Variants in YWHAQ observed in about 807,000 individuals in gnomAD.
The protein encoded by YWHAQ is tyrosine 3-monooxygenase/tryptophan 5-monooxygenase activation protein theta.
Under a neutral mutation model 28.3 loss-of-function variants are expected in YWHAQ, and 6 were observed. The observed-to-expected ratio is 0.21, with a 90% confidence interval of 0.12 to 0.42. YWHAQ has a LOEUF of 0.42. Ranked by LOEUF, YWHAQ falls within the 10% of genes least tolerant of loss-of-function variation. The pLI is 1.00. For synonymous variants in YWHAQ, 143 were observed against 119.1 expected (o/e 1.20, Z -1.31); for missense variants, 201 against 305.6 (o/e 0.66, Z 2.55).
chr2:9,597,985 ATT>A (rs547582835), intron 2 of YWHAQ, among the ~76,000 whole-genome samples: 1,629 of 62,312 alleles, frequency 0.026, 41 homozygotes, highest in African/African-American at 0.079. Context: ...ATGCCGGGCT[ATT>A]TTTTTTTTTT....
At position 9,608,163 on chromosome 2, in the gene YWHAQ, T is replaced by C. The variant is rs192614329; in HGVS notation, c.295-16648A>G. On this transcript the variant is annotated intron_variant, in intron 2 of 5. Transcript: ENST00000238081. ...TCTGGTTCCGGCAACACAGTGAGAC[T>C]GAGCTTACGGAGAATACCTCCCTCT... 9.8e-5 allele frequency among the ~76,000 whole-genome samples: 15 copies of C among 152,322 alleles called. No homozygotes were observed. The East Asian group carries it at 2.9e-3, about 29-fold the overall frequency.
At chr2:9,598,214 T>TAAC (rs1666618565) in intron 2 of YWHAQ, among the ~76,000 whole-genome samples, 3 of 152,208 alleles carry the variant, frequency 2.0e-5, no homozygotes, top group Admixed American at 2.0e-4. Flanking sequence ...TCAGTCAAAC[T>TAAC]CAAGTTGCAA....
chr2:9,604,865 A>C (rs1302871738), intron 2 of YWHAQ, among the ~76,000 whole-genome samples: 1 of 152,222 alleles, frequency 6.6e-6, no homozygotes, highest in Admixed American at 6.5e-5. Flanking sequence ...TAAGCAGATG[A>C]ACTCAATAAA....
In YWHAQ at chr2:9,630,658, C is replaced by G. The variant is rs918828274; in HGVS notation, c.-82-124G>C. 1 of 449,606 alleles carries G rather than the reference C, an allele frequency of 2.2e-6. No homozygotes were observed. Among genetic ancestry groups the G allele is most frequent in the East Asian group, 3.9e-5 (1 of 25,874 alleles). The allele number at this position is 449,606 out of a possible 1,614,324, so 27.9% of individuals were successfully genotyped here. A position where few individuals can be genotyped will look rare whatever the true frequency, so the allele number is the denominator to read the frequency against. ...GCCGCTTGAATTTCCCTCTCCCCCG[C>G]CCCCTCCCCCGCTGGGCACCCGGGG... On this transcript the variant is annotated intron_variant, in intron 1 of 5. Transcript: ENST00000238081. This position sits in a 1 kb window ranked among gnomAD's most constrained non-coding sequence, Gnocchi z 5.6.
chr2:9,589,267 C>T (rs1666409078), intron 3 of YWHAQ, among the ~76,000 whole-genome samples: 1 of 152,138 alleles, frequency 6.6e-6, no homozygotes, highest in Admixed American at 6.5e-5. Flanking sequence ...AATTCTATTA[C>T]TTGGAAATGC....
intron 2 of YWHAQ, among the ~76,000 whole-genome samples, chr2:9,626,845 C>T (rs1667256877): frequency 6.6e-6 from 1 of 152,216 alleles, no homozygotes; most frequent in Non-Finnish European, 1.5e-5. Context: ...CAGTTTTCAA[C>T]CTGTCATGTA....
In YWHAQ at chr2:9,630,191, A is replaced by C; in HGVS notation, c.262T>G (p.Ser88Ala). Reference sequence around the variant, plus strand: ...GTGGTGCAGATGGATCTCAGCTCGGACTCCACTTTCTCCCGATAGTCCTTA... The same window carrying C: ...GTGGTGCAGATGGATCTCAGCTCGGCCTCCACTTTCTCCCGATAGTCCTTA... ...LIKDYREKVE[S>A]ELRSICTTVL... The change falls in exon 2 of 6, where the codon TCC becomes GCC. Residue 88 changes from serine (S) to alanine (A), a missense_variant. Around this residue, in one of 2 missense-constraint regions of YWHAQ, gnomAD observed 162 missense variants for 213.9 expected, o/e 0.76. Transcript: ENST00000238081. This position sits in a 1 kb window ranked among gnomAD's most constrained non-coding sequence, Gnocchi z 5.6. 6.2e-7 allele frequency: 1 copy of C among 1,613,682 alleles called. No homozygotes were observed. The highest frequency in any genetic ancestry group is 8.5e-7 in the Non-Finnish European group (1 of 1,179,990).
At chr2:9,599,280 C>T (rs1666640577) in intron 2 of YWHAQ, among the ~76,000 whole-genome samples, 1 of 152,100 alleles carries the variant, frequency 6.6e-6, no homozygotes, top group African/African-American at 2.4e-5. Context: ...CATAAAAGTA[C>T]AAGCTGAAGG....
At chr2:9,627,051 C>T (rs1205655654) in intron 2 of YWHAQ, among the ~76,000 whole-genome samples, 1 of 152,186 alleles carries the variant, frequency 6.6e-6, no homozygotes, top group Non-Finnish European at 1.5e-5. Context: ...TCTTAACTCC[C>T]CTCATCTTAG....
At chr2:9,606,948 A>T (rs956456178) in intron 2 of YWHAQ, among the ~76,000 whole-genome samples, 3 of 148,138 alleles carry the variant, frequency 2.0e-5, no homozygotes, top group Non-Finnish European at 4.5e-5. Flanking sequence ...GCAGTAGCAT[A>T]ATCTTGGCTC....
In YWHAQ at chr2:9,588,253, G is replaced by A; in HGVS notation, c.494C>T (p.Pro165Leu). Reference sequence around the variant, plus strand: ...GTTAAGAGCAAGCCCCAGGCGGATTGGGTGTGTGGGTTGCATCTCTTTCTT... The same window carrying A: ...GTTAAGAGCAAGCCCCAGGCGGATTAGGTGTGTGGGTTGCATCTCTTTCTT... Reference protein sequence around the residue: ...ISKKEMQPTHPIRLGLALNFS... With the variant: ...ISKKEMQPTHLIRLGLALNFS... Residue 165 changes from proline to leucine, a missense_variant, in exon 4 of 6, where the codon CCA becomes CTA. Around this residue, in one of 2 missense-constraint regions of YWHAQ, gnomAD observed 162 missense variants for 213.9 expected, o/e 0.76. Coordinates refer to ENST00000238081, the MANE Select transcript of YWHAQ (RefSeq NM_006826.4). 6.2e-7 allele frequency: 1 copy of A among 1,608,754 alleles called. No individual in the cohort carries two copies. Among genetic ancestry groups the A allele is most frequent in the Non-Finnish European group, 8.5e-7 (1 of 1,178,732 alleles).
Position 9,630,582 on chromosome 2 carries a change from G to A in YWHAQ, c.-82-48C>T, listed in dbSNP as rs1667352171. 1 of 929,668 alleles carries A rather than the reference G, an allele frequency of 1.1e-6. No individual in the cohort carries two copies. The highest frequency in any genetic ancestry group is 1.5e-6 in the Non-Finnish European group (1 of 645,706). 57.6% of individuals were successfully genotyped at this position (929,668 alleles called of 1,614,324 possible). On this transcript the variant is annotated intron_variant, in intron 1 of 5. Transcript: ENST00000238081. This position sits in a 1 kb window ranked among gnomAD's most constrained non-coding sequence, Gnocchi z 5.6. The stretch of plus-strand genomic sequence containing the variant: ...GGCGAGAACAAAAAGCAGAGAGGGA[G>A]CGCCGTCAGACAATGCGGCCCGCCG...
intron 2 of YWHAQ, among the ~76,000 whole-genome samples, chr2:9,621,270 A>G (rs982490028): frequency 8.5e-5 from 13 of 152,172 alleles, no homozygotes; most frequent in African/African-American, 2.7e-4. Context: ...CCATCAATCT[A>G]CTTAGCACTC....
rs77764927 is a variant in YWHAQ, at chr2:9,598,231, A to C, written c.295-6716T>G. Among the ~76,000 whole-genome samples the C allele has an allele frequency of 4.5e-3, 680 of 152,224 alleles. 7 individuals are homozygous for C. The highest frequency in any genetic ancestry group is 0.016 in the African/African-American group (649 of 41,530). ...AGTCAAACTCAAGTTGCAAAGCCTA[A>C]TCAGATCCTTACATCCTTGTATCCA... On this transcript the variant is annotated intron_variant, in intron 2 of 5. Coordinates refer to ENST00000238081, the MANE Select transcript of YWHAQ (RefSeq NM_006826.4).
At chr2:9,628,812 CA>C (rs1195896050) in intron 2 of YWHAQ, 5 of 152,192 alleles carry the variant, frequency 3.3e-5, no homozygotes, top group Admixed American at 2.0e-4. Flanking sequence ...CGGAAGAATA[CA>C]ACGAAGTTTT....
At chr2:9,595,634 G>C (rs932516024) in intron 2 of YWHAQ, among the ~76,000 whole-genome samples, 2 of 149,922 alleles carry the variant, frequency 1.3e-5, no homozygotes, top group African/African-American at 4.9e-5. Flanking sequence ...AACCCAGGAG[G>C]CAGAAGTTCC....
chr2:9,584,554 T>C lies in YWHAQ; in HGVS notation c.*732A>G, dbSNP rs1666306919. 1.3e-5 allele frequency: 2 copies of C among 152,696 alleles called. No homozygotes were observed. The highest frequency in any genetic ancestry group is 2.9e-5 in the Non-Finnish European group (2 of 68,058). 9.5% of individuals were successfully genotyped at this position (152,696 alleles called of 1,614,324 possible). ...TAATTTGCCAAAAGCAATGCTTGTA[T>C]TCTGGCAGCAACATGCTACTTCTAT... On this transcript the variant is annotated 3_prime_UTR_variant, in exon 6 of 6. Coordinates refer to ENST00000238081, the MANE Select transcript of YWHAQ (RefSeq NM_006826.4).
At chr2:9,610,601 T>C (rs7558086) in intron 2 of YWHAQ, among the ~76,000 whole-genome samples, 92,270 of 151,952 alleles carry the variant, frequency 0.61, 30,092 homozygotes, top group African/African-American at 0.82. Context: ...CTCCACCTCC[T>C]GGGTTCAAAC....
chr2:9,606,598 C>T lies in YWHAQ; in HGVS notation c.295-15083G>A, dbSNP rs139836150. Reference sequence around the variant, plus strand: ...AGCCTGGAGTGCAGTGGTGTGATATCGGCTCACTGCAACCTCCGCCACTCA... The same window carrying T: ...AGCCTGGAGTGCAGTGGTGTGATATTGGCTCACTGCAACCTCCGCCACTCA... On this transcript the variant is annotated intron_variant, in intron 2 of 5. Coordinates refer to ENST00000238081, the MANE Select transcript of YWHAQ (RefSeq NM_006826.4). 1.5e-3 allele frequency among the ~76,000 whole-genome samples: 231 copies of T among 152,102 alleles called. 1 individual carries two copies. Among genetic ancestry groups the T allele is most frequent in the African/African-American group, 5.2e-3 (215 of 41,496 alleles).
Sources: allele counts gnomAD v4.1 joint callset (sites outside exome capture counted in the v4.1 genomes callset), GRCh38; gene constraint gnomAD v4.1.1; regional missense constraint gnomAD v4.1.1; non-coding constraint Gnocchi (gnomAD v3.1); transcripts MANE v1.5; gene names NCBI Gene and HGNC (gene_info 2026-07-23, HGNC 2026-07-21).